The following CACNA2D3 variants were observed in gnomAD, a reference collection of about 807,000 sequenced individuals.
CACNA2D3 encodes calcium voltage-gated channel auxiliary subunit alpha2delta 3, also known as voltage-dependent calcium channel subunit alpha-2/delta-3.
In CACNA2D3, 60 loss-of-function variants were observed where a neutral mutation model predicts 160.6. That is an observed-to-expected ratio of 0.37 (90% CI 0.30 to 0.46). The LOEUF (loss-of-function observed/expected upper bound fraction) is 0.46. Among genes scored for constraint, CACNA2D3 ranks in the 20% least tolerant of loss-of-function variants. The pLI is 1.00. For synonymous variants in CACNA2D3, 558 were observed against 492.9 expected (o/e 1.13, Z -1.75); for missense variants, 1,205 against 1,365.0 (o/e 0.88, Z 1.85).
chr3:55,033,776 T>C (rs1408266437), intron 35 of CACNA2D3, among the ~76,000 whole-genome samples: 1 of 135,026 alleles, frequency 7.4e-6, no homozygotes, highest in African/African-American at 2.8e-5. Flanking sequence ...ATATAATATG[T>C]ATTATATATT....
intron 17 of CACNA2D3, among the ~76,000 whole-genome samples, chr3:54,866,159 C>T (rs1019997261): frequency 6.6e-6 from 1 of 151,898 alleles, no homozygotes; most frequent in Non-Finnish European, 1.5e-5. Context: ...TGGCACAGAG[C>T]CTGAGAAATA....
intron 2 of CACNA2D3, among the ~76,000 whole-genome samples, chr3:54,132,174 A>G (rs1699725729): frequency 6.6e-6 from 1 of 152,230 alleles, no homozygotes; most frequent in African/African-American, 2.4e-5. Context: ...TGACATAATA[A>G]TAGTCATTTG....
chr3:54,315,226 C>A (rs924220751), intron 2 of CACNA2D3, among the ~76,000 whole-genome samples: 1 of 152,188 alleles, frequency 6.6e-6, no homozygotes, highest in Admixed American at 6.5e-5. Context: ...AATGGGCTTG[C>A]TTTGCCCTCT....
chr3:54,292,512 G>A (rs1184160496), intron 2 of CACNA2D3, among the ~76,000 whole-genome samples: 2 of 152,000 alleles, frequency 1.3e-5, no homozygotes, highest in Non-Finnish European at 2.9e-5. Context: ...AATGAACAAA[G>A]GTTCTGAATA....
intron 3 of CACNA2D3, among the ~76,000 whole-genome samples, chr3:54,322,463 C>T (rs1704025489): frequency 6.6e-6 from 1 of 152,204 alleles, no homozygotes; most frequent in Non-Finnish European, 1.5e-5. Flanking sequence ...GAGTGAGACA[C>T]TGTTATTATT....
intron 29 of CACNA2D3, among the ~76,000 whole-genome samples, chr3:54,980,550 C>T (rs972544151): frequency 2.0e-5 from 3 of 151,672 alleles, no homozygotes; most frequent in African/African-American, 4.9e-5. Context: ...CCTTGGTGGT[C>T]TCAAATACAT....
At chr3:54,662,051 T>C (rs1699983251) in intron 11 of CACNA2D3, among the ~76,000 whole-genome samples, 1 of 152,212 alleles carries the variant, frequency 6.6e-6, no homozygotes, top group African/African-American at 2.4e-5. Flanking sequence ...GTATTAACTC[T>C]ATGCATCATA....
chr3:54,506,407 AG>A (rs1701372137), intron 5 of CACNA2D3, among the ~76,000 whole-genome samples: 1 of 152,156 alleles, frequency 6.6e-6, no homozygotes, highest in African/African-American at 2.4e-5. Flanking sequence ...ATACTTGCCT[AG>A]GAGCTTCTGT....
At chr3:54,549,184 C>T (rs1265860861) in intron 5 of CACNA2D3, among the ~76,000 whole-genome samples, 4 of 152,266 alleles carry the variant, frequency 2.6e-5, no homozygotes, top group South Asian at 2.1e-4. Context: ...TGGTGGCTCC[C>T]GCCTGTAATC....
chr3:54,918,437 A>G (rs751620466), intron 27 of CACNA2D3: 1 of 1,605,098 alleles, frequency 6.2e-7, no homozygotes, highest in Non-Finnish European at 8.5e-7. Flanking sequence ...GCAATGACCA[A>G]TCCTATTTGA....
At chr3:54,255,089 A>C (rs9870418) in intron 2 of CACNA2D3, among the ~76,000 whole-genome samples, 9,626 of 152,206 alleles carry the variant, frequency 0.063, 954 homozygotes, top group African/African-American at 0.21. Context: ...TTTGGTTTCT[A>C]TTGCACACAT....
intron 27 of CACNA2D3, 145 bp downstream of exon 27, chr3:54,900,013 G>A: frequency 4.7e-6 from 3 of 635,898 alleles, no homozygotes; most frequent in Non-Finnish European, 8.3e-6. Flanking sequence ...TCTCAGCTTG[G>A]TGTCATCTCC....
At chr3:54,918,664 C>A (rs1559628756) in intron 27 of CACNA2D3, 2 of 1,614,162 alleles carry the variant, frequency 1.2e-6, no homozygotes, top group Non-Finnish European at 1.7e-6. Flanking sequence ...GTTGGCCGGC[C>A]TTGGCTTGGG....
At chr3:54,150,849 TGGA>T (rs1470364138) in intron 2 of CACNA2D3, among the ~76,000 whole-genome samples, 9 of 151,954 alleles carry the variant, frequency 5.9e-5, no homozygotes, top group Non-Finnish European at 4.4e-5. Flanking sequence ...GATGGATGGA[TGGA>T]TGAGTGGGTG....
intron 3 of CACNA2D3, among the ~76,000 whole-genome samples, chr3:54,381,447 T>C (rs1699101169): frequency 6.6e-6 from 1 of 152,188 alleles, no homozygotes; most frequent in African/African-American, 2.4e-5. Flanking sequence ...TTCTCTCTTT[T>C]CTCCCCTTGT....
chr3:54,991,984 A>G (rs1449440278), intron 31 of CACNA2D3, among the ~76,000 whole-genome samples: 1 of 150,468 alleles, frequency 6.6e-6, no homozygotes, highest in East Asian at 1.9e-4. Flanking sequence ...TATCACTAAT[A>G]ACCCCCAAAG....
intron 31 of CACNA2D3, among the ~76,000 whole-genome samples, chr3:54,991,104 C>A (rs1702730329): frequency 6.6e-6 from 1 of 152,142 alleles, no homozygotes; most frequent in African/African-American, 2.4e-5. Context: ...CTTGACAGAT[C>A]TTACCTCTTT....
intron 2 of CACNA2D3, among the ~76,000 whole-genome samples, chr3:54,237,916 G>A (rs948895886): frequency 6.6e-5 from 10 of 152,158 alleles, no homozygotes; most frequent in Admixed American, 1.3e-4. Context: ...AGTTAAGCAG[G>A]TTTCTTTACT....
chr3:54,918,873 G>C, intron 27 of CACNA2D3: 1 of 1,548,554 alleles, frequency 6.5e-7, no homozygotes, highest in Non-Finnish European at 8.7e-7. Context: ...ATTCACAGAT[G>C]ATGCCGTCTG....
Sources: gnomAD v4.1 joint callset for allele counts (sites outside exome capture counted in the v4.1 genomes callset) on GRCh38, gnomAD v4.1.1 for gene constraint, MANE v1.5 for transcripts, NCBI Gene and HGNC (gene_info 2026-07-23, HGNC 2026-07-21) for gene names.